The following SLC17A1 variants were observed in gnomAD, a reference collection of about 807,000 sequenced individuals.
The protein encoded by SLC17A1 is solute carrier family 17 member 1.
A neutral mutation model predicts 53.5 loss-of-function variants in SLC17A1; 51 were observed. That is an observed-to-expected ratio of 0.95 (90% CI 0.76 to 1.20). SLC17A1 has a LOEUF of 1.20. Among genes scored for constraint, SLC17A1 ranks in the 50% most tolerant of loss-of-function variants. The pLI, the probability that SLC17A1 is intolerant of heterozygous loss-of-function variation, is 0.00. For synonymous variants in SLC17A1, 179 were observed against 198.8 expected (o/e 0.90, Z 0.84); for missense variants, 538 against 568.2 (o/e 0.95, Z 0.54).
rs1178030582 is a variant in SLC17A1, at chr6:25,797,145, A to AAAAC, written c.*2+1634_*2+1637dup. ...TGCATGTATCTTCTGAAACAAACAAAAAACAAACAAACAAAACCCTCCTTG... is the reference window on the plus strand; with the variant it reads ...TGCATGTATCTTCTGAAACAAACAAAAAACAAACAAACAAACAAAACCCTCCTTG... On this transcript the variant is annotated intron_variant, in intron 12 of 12. Coordinates refer to ENST00000244527, the MANE Select transcript of SLC17A1 (RefSeq NM_005074.5). Among the ~76,000 whole-genome samples, 20 of 152,228 alleles carry AAAAC rather than the reference A, an allele frequency of 1.3e-4. 1 individual carries two copies. Among genetic ancestry groups the AAAAC allele is most frequent in the Middle Eastern group, 3.2e-3 (1 of 316 alleles).
At chr6:25,749,819 C>T in the SLC17A1 span, among the ~76,000 whole-genome samples, 1 of 152,158 alleles carries the variant, frequency 6.6e-6, no homozygotes, top group Non-Finnish European at 1.5e-5. Flanking sequence ...TTAGAAATAA[C>T]ATGTTTCCAG....
chr6:25,777,272 T>C, the SLC17A1 span: 2 of 282,872 alleles, frequency 7.1e-6, no homozygotes, highest in African/African-American at 4.4e-5. Context: ...GAAAGAAATC[T>C]TGAGATTCTA....
chr6:25,773,337 C>A, the SLC17A1 span: 1 of 1,613,974 alleles, frequency 6.2e-7, no homozygotes. Context: ...TCCTGTGAAT[C>A]ATCCCTTTAT....
the SLC17A1 span, among the ~76,000 whole-genome samples, chr6:25,755,727 A>G: frequency 6.6e-6 from 1 of 152,208 alleles, no homozygotes. Flanking sequence ...GGACTCACAG[A>G]CACAAAACTT....
At chr6:25,782,869 A>G (rs1214931627), downstream of SLC17A1, 1 of 152,240 alleles carries the variant, frequency 6.6e-6, no homozygotes, top group Non-Finnish European at 1.5e-5. Context: ...ATGAGAAAGA[A>G]TAAAAGTTAA....
At chr6:25,725,012 C>G in the SLC17A1 span, among the ~76,000 whole-genome samples, 1 of 80,412 alleles carries the variant, frequency 1.2e-5, no homozygotes, top group South Asian at 6.4e-4. Flanking sequence ...TTTTGGTAAC[C>G]AAATGATTTT....
the SLC17A1 span, among the ~76,000 whole-genome samples, chr6:25,774,528 C>A: frequency 1.4e-4 from 22 of 152,170 alleles, no homozygotes; most frequent in African/African-American, 5.3e-4. Context: ...TAGAAAGCCC[C>A]AGGAGGCAGT....
intron 10 of SLC17A1, among the ~76,000 whole-genome samples, chr6:25,802,255 C>A (rs1763802415): frequency 6.6e-6 from 1 of 152,226 alleles, no homozygotes; most frequent in East Asian, 1.9e-4. Flanking sequence ...TTCATGAGTT[C>A]CTAAAAATAT....
At chr6:25,814,598 G>C (rs1764269244) in intron 6 of SLC17A1, among the ~76,000 whole-genome samples, 1 of 152,100 alleles carries the variant, frequency 6.6e-6, no homozygotes, top group Admixed American at 6.6e-5. Flanking sequence ...TGCATCAGTA[G>C]ACTAGACATG....
chr6:25,813,043 T>G (rs750050078), intron 7 of SLC17A1, 51 bp from the exon 8 acceptor site: 2 of 1,612,074 alleles, frequency 1.2e-6, no homozygotes, highest in South Asian at 2.2e-5. Flanking sequence ...CTGGAACATG[T>G]TTAGTTTGGA....
the SLC17A1 span, chr6:25,771,045 G>C: frequency 1.3e-6 from 2 of 1,524,754 alleles, no homozygotes; most frequent in Non-Finnish European, 1.8e-6. Flanking sequence ...CAATTTTTAT[G>C]ACAGAGACTT....
At chr6:25,747,496 T>A in the SLC17A1 span, among the ~76,000 whole-genome samples, 1 of 152,228 alleles carries the variant, frequency 6.6e-6, no homozygotes, top group African/African-American at 2.4e-5. Context: ...CCTCCAAAGC[T>A]GCACAAATTC....
At chr6:25,825,541 T>A (rs1459288850) in intron 3 of SLC17A1, among the ~76,000 whole-genome samples, 1 of 152,028 alleles carries the variant, frequency 6.6e-6, no homozygotes, top group Non-Finnish European at 1.5e-5. Flanking sequence ...CTGTAGGTAT[T>A]TTCTTCCTCT....
chr6:25,827,392 G>A lies in SLC17A1; in HGVS notation c.35-759C>T, dbSNP rs573743925. On this transcript the variant is annotated intron_variant, in intron 2 of 12. Coordinates refer to ENST00000244527, the MANE Select transcript of SLC17A1 (RefSeq NM_005074.5). ...AATGCATATTACTCAGAAATAAAAG[G>A]AAAGAACTACTTATACACAACAATT... Among the ~76,000 whole-genome samples the A allele has an allele frequency of 2.0e-5, 3 of 152,176 alleles. No individual in the cohort carries two copies. The East Asian group carries it at 5.8e-4, about 29-fold the overall frequency.
At chr6:25,770,856 C>A in the SLC17A1 span, 1 of 1,193,152 alleles carries the variant, frequency 8.4e-7, no homozygotes, top group Non-Finnish European at 1.3e-6. Context: ...TGCAACTCAG[C>A]ATTGTAGAAA....
At chr6:25,814,843 G>A (rs1350522069) in intron 6 of SLC17A1, among the ~76,000 whole-genome samples, 8 of 152,070 alleles carry the variant, frequency 5.3e-5, no homozygotes, top group African/African-American at 9.6e-5. Context: ...AAAATTAGCC[G>A]GGCGTAGCTA....
downstream of SLC17A1, chr6:25,779,449 G>T (rs1212161704): frequency 2.8e-6 from 1 of 354,404 alleles, no homozygotes; most frequent in Non-Finnish European, 5.0e-6. Flanking sequence ...AGCATCAGGG[G>T]CTGGGGACAA....
At chr6:25,811,589 T>C (rs751569743) in intron 9 of SLC17A1, 44 bp from the exon 10 acceptor site, 1 of 1,613,492 alleles carries the variant, frequency 6.2e-7, no homozygotes, top group Non-Finnish European at 8.5e-7. Flanking sequence ...ATCCTAAAGA[T>C]AGGGGAGAAG....
At chr6:25,728,706 T>C in the SLC17A1 span, among the ~76,000 whole-genome samples, 2 of 152,020 alleles carry the variant, frequency 1.3e-5, no homozygotes, top group African/African-American at 4.8e-5. Context: ...TGCAGCTACT[T>C]GGGAGGCTGA....
Sources: allele counts gnomAD v4.1 joint callset (sites outside exome capture counted in the v4.1 genomes callset), GRCh38; gene constraint gnomAD v4.1.1; transcripts MANE v1.5; gene names NCBI Gene and HGNC (gene_info 2026-07-23, HGNC 2026-07-21).